GALNT9: variants seen among roughly 807,000 people sequenced by gnomAD.
GALNT9 encodes polypeptide N-acetylgalactosaminyltransferase 9.
In GALNT9, 47 loss-of-function variants were observed where a neutral mutation model predicts 63.1. The observed-to-expected ratio is 0.75, with a 90% confidence interval of 0.59 to 0.95. GALNT9 has a LOEUF of 0.95. Ranked by LOEUF, GALNT9 falls within the 40% of genes least tolerant of loss-of-function variation. The pLI is 0.00. For synonymous variants in GALNT9, 396 were observed against 365.7 expected, an observed-to-expected ratio of 1.08 and a Z score of -0.94; for missense variants, 829 against 874.8, an observed-to-expected ratio of 0.95 and a Z score of 0.66.
rs148462340 is a variant in GALNT9, at chr12:132,318,375, A to G, written c.238+10591T>C. 3.3e-3 allele frequency among the ~76,000 whole-genome samples: 501 copies of G among 152,272 alleles called. 1 individual carries two copies. The highest frequency in any genetic ancestry group is 0.011 in the African/African-American group (453 of 41,552). On this transcript the variant is annotated intron_variant, in intron 1 of 10. Coordinates refer to ENST00000328957, the MANE Select transcript of GALNT9 (RefSeq NM_001122636.2). ...CAAGGTGGGTGCTCGGGGAACCCAC[A>G]TGGATGCCTCTCTTCAGGGCCAGAG...
intron 5 of GALNT9, among the ~76,000 whole-genome samples, chr12:132,255,449 C>T (rs1181005713): frequency 6.6e-6 from 1 of 152,178 alleles, no homozygotes; most frequent in Non-Finnish European, 1.5e-5. Flanking sequence ...AACCAGAAGT[C>T]TGGCCCCTTT....
intron 1 of GALNT9, 34 bp downstream of exon 1, chr12:132,328,932 G>C (rs1169857083): frequency 6.7e-7 from 1 of 1,489,054 alleles, no homozygotes; most frequent in Non-Finnish European, 8.9e-7. Context: ...CCCGGGCAGG[G>C]CTGCCCCCAC....
At position 132,219,837 on chromosome 12, in the gene GALNT9, C is replaced by T. The variant is rs11247016; in HGVS notation, c.1078-16147G>A. 1.2e-3 allele frequency among the ~76,000 whole-genome samples: 83 copies of T among 68,280 alleles called. 1 individual carries two copies. The highest frequency in any genetic ancestry group is 4.9e-3 in the African/African-American group (72 of 14,720). 44.8% of individuals were successfully genotyped at this position (68,280 alleles called of 152,430 possible). On this transcript the variant is annotated intron_variant, in intron 6 of 10. Transcript: ENST00000328957. ...CACCCGCCCGGGTAAGGGGAAGGGG[C>T]ACCTCCCCAGGGTGACACCCGCCCG...
chr12:132,305,207 G>T (rs1475727823), intron 1 of GALNT9, among the ~76,000 whole-genome samples: 2 of 51,374 alleles, frequency 3.9e-5, no homozygotes, highest in African/African-American at 2.1e-4. Flanking sequence ...ACCCTTGCCC[G>T]GGCACACCCT....
At chr12:132,272,179 C>T (rs1235672404) in intron 2 of GALNT9, among the ~76,000 whole-genome samples, 2 of 152,218 alleles carry the variant, frequency 1.3e-5, no homozygotes, top group Non-Finnish European at 2.9e-5. Flanking sequence ...CTGCTCATCA[C>T]GGGACCCAGG....
intron 1 of GALNT9, among the ~76,000 whole-genome samples, chr12:132,294,440 G>C (rs1290721743): frequency 6.6e-6 from 1 of 152,228 alleles, no homozygotes; most frequent in Non-Finnish European, 1.5e-5. Flanking sequence ...AGAAGTGTCT[G>C]ATCCACAGGT....
chr12:132,240,789 T>C, intron 6 of GALNT9: 2 of 449,650 alleles, frequency 4.4e-6, no homozygotes, highest in Non-Finnish European at 9.0e-6. Flanking sequence ...GATCTATACA[T>C]GTTTACACAC....
chr12:132,298,420 T>A (rs1271777191), intron 1 of GALNT9, among the ~76,000 whole-genome samples: 1 of 150,426 alleles, frequency 6.6e-6, no homozygotes, highest in Non-Finnish European at 1.5e-5. Flanking sequence ...AAGCCACTCC[T>A]GAGATAATCC....
chr12:132,277,000 C>T lies in GALNT9; in HGVS notation c.419+9250G>A, dbSNP rs115791296. On this transcript the variant is annotated intron_variant, in intron 2 of 10. Transcript: ENST00000328957. Reference sequence around the variant, plus strand: ...ACAGATACATGCACACATGTACACACGCAGATACATGCGCATGTACAGGCA... The same window carrying T: ...ACAGATACATGCACACATGTACACATGCAGATACATGCGCATGTACAGGCA... 7.7e-3 allele frequency among the ~76,000 whole-genome samples: 1,170 copies of T among 152,226 alleles called. 14 individuals carry two copies. Among genetic ancestry groups the T allele is most frequent in the African/African-American group, 0.026 (1,073 of 41,508 alleles).
rs184880093 is a variant in GALNT9, at chr12:132,306,985, T to C, written c.239-20555A>G. On this transcript the variant is annotated intron_variant, in intron 1 of 10. Coordinates refer to ENST00000328957, the MANE Select transcript of GALNT9 (RefSeq NM_001122636.2). ...AGCGTGGCGGGGAATCTGATTTCCA[T>C]GGGGGCTGACTCTGTGAGTAGATGG... 1.5e-3 allele frequency among the ~76,000 whole-genome samples: 229 copies of C among 151,928 alleles called. 1 individual carries two copies. Among genetic ancestry groups the C allele is most frequent in the African/African-American group, 5.3e-3 (220 of 41,418 alleles).
intron 2 of GALNT9, among the ~76,000 whole-genome samples, chr12:132,264,530 T>G (rs1879526677): frequency 1.3e-5 from 2 of 152,254 alleles, no homozygotes; most frequent in South Asian, 4.1e-4. Flanking sequence ...TTGAGTTTAA[T>G]CTCAGGAAGG....
intron 6 of GALNT9, among the ~76,000 whole-genome samples, chr12:132,227,496 C>G (rs964596081): frequency 6.6e-6 from 1 of 152,178 alleles, no homozygotes; most frequent in African/African-American, 2.4e-5. Flanking sequence ...CGGGCTCCAG[C>G]GAGGTGCACG....
chr12:132,220,618 G>A (rs933613179), intron 6 of GALNT9, among the ~76,000 whole-genome samples: 12 of 152,170 alleles, frequency 7.9e-5, no homozygotes, highest in African/African-American at 2.9e-4. Flanking sequence ...GCAGAACCAG[G>A]GGAATTTCCA....
intron 9 of GALNT9, among the ~76,000 whole-genome samples, chr12:132,198,696 G>T (rs1230835748): frequency 6.6e-6 from 1 of 152,146 alleles, no homozygotes; most frequent in Admixed American, 6.5e-5. Context: ...TCGCTCTGTT[G>T]CCCAGGATGG....
chr12:132,227,886 A>G (rs928206981), intron 6 of GALNT9, among the ~76,000 whole-genome samples: 10 of 151,204 alleles, frequency 6.6e-5, no homozygotes, highest in Non-Finnish European at 1.0e-4. Context: ...ATGGACAGAG[A>G]CCTCCCCGTC....
At chr12:132,216,032 T>C (rs1877173100) in intron 6 of GALNT9, among the ~76,000 whole-genome samples, 1 of 152,012 alleles carries the variant, frequency 6.6e-6, no homozygotes, top group Non-Finnish European at 1.5e-5. Context: ...ACACAGGGGC[T>C]TGTCCATGCC....
At chr12:132,219,691 C>T (rs1441249131) in intron 6 of GALNT9, among the ~76,000 whole-genome samples, 1 of 151,268 alleles carries the variant, frequency 6.6e-6, no homozygotes, top group African/African-American at 2.4e-5. Context: ...CAGGGTGACA[C>T]CCGCCCGGGT....
chr12:132,251,354 C>T (rs1023277401), intron 5 of GALNT9, among the ~76,000 whole-genome samples: 3 of 152,224 alleles, frequency 2.0e-5, no homozygotes, highest in Admixed American at 6.5e-5. Flanking sequence ...GTCCAGTTCA[C>T]GACGCCGGTT....
At chr12:132,224,665 A>AAC (rs1877576389) in intron 6 of GALNT9, among the ~76,000 whole-genome samples, 3 of 114,112 alleles carry the variant, frequency 2.6e-5, no homozygotes, top group Non-Finnish European at 3.5e-5. Context: ...CCCACACTGT[A>AAC]CCTATACACC....
Sources: gnomAD v4.1 joint callset for allele counts (sites outside exome capture counted in the v4.1 genomes callset) on GRCh38, gnomAD v4.1.1 for gene constraint, MANE v1.5 for transcripts, NCBI Gene and HGNC (gene_info 2026-07-23, HGNC 2026-07-21) for gene names.